The following LRMDA variants were observed in gnomAD, a reference collection of about 807,000 sequenced individuals.
LRMDA encodes the protein leucine rich melanocyte differentiation associated.
In LRMDA, 18 loss-of-function variants were observed where a neutral mutation model predicts 29.8. That is an observed-to-expected ratio of 0.60 (90% CI 0.42 to 0.90). LRMDA has a LOEUF of 0.90. Ranked by LOEUF, LRMDA falls within the 40% of genes least tolerant of loss-of-function variation. The pLI is 0.00. For synonymous variants in LRMDA, 125 were observed against 109.4 expected (o/e 1.14, Z -0.89); for missense variants, 273 against 273.9 (o/e 1.00, Z 0.02).
chr10:75,649,627 T>A (rs10824323), intron 2 of LRMDA, among the ~76,000 whole-genome samples: 18,917 of 152,240 alleles, frequency 0.12, 2,710 homozygotes, highest in African/African-American at 0.33. Context: ...AGTGCACAGA[T>A]ATCTCTTCCT....
intron 2 of LRMDA, among the ~76,000 whole-genome samples, chr10:75,951,723 G>T (rs955078569): frequency 6.6e-6 from 1 of 152,142 alleles, no homozygotes; most frequent in African/African-American, 2.4e-5. Flanking sequence ...CTGTGTGTTT[G>T]CTTTGCTCTC....
intron 2 of LRMDA, among the ~76,000 whole-genome samples, chr10:75,716,813 G>A (rs1842506128): frequency 6.6e-6 from 1 of 152,190 alleles, no homozygotes; most frequent in Admixed American, 6.5e-5. Flanking sequence ...AAATCTCAGT[G>A]TGGTGTGCAA....
At chr10:76,504,347 A>G (rs1034439895) in intron 6 of LRMDA, among the ~76,000 whole-genome samples, 20 of 151,998 alleles carry the variant, frequency 1.3e-4, no homozygotes, top group African/African-American at 4.8e-4. Flanking sequence ...ATTGGGTCCA[A>G]TTGGCTGAGT....
chr10:75,873,797 A>T (rs1845151763), intron 2 of LRMDA, among the ~76,000 whole-genome samples: 1 of 152,150 alleles, frequency 6.6e-6, no homozygotes, highest in Non-Finnish European at 1.5e-5. Flanking sequence ...CTTCCAGCTA[A>T]TGTCATCAGC....
chr10:75,958,076 G>T (rs1212527794), intron 2 of LRMDA, among the ~76,000 whole-genome samples: 1 of 152,146 alleles, frequency 6.6e-6, no homozygotes, highest in Non-Finnish European at 1.5e-5. Flanking sequence ...TAGCCTGTGC[G>T]CCTTGCTGAC....
At chr10:75,765,822 C>G (rs1236501365) in intron 2 of LRMDA, among the ~76,000 whole-genome samples, 1 of 150,540 alleles carries the variant, frequency 6.6e-6, no homozygotes, top group Non-Finnish European at 1.5e-5. Flanking sequence ...TTCTCCCTCT[C>G]CAGCCGCTGG....
At chr10:76,183,849 G>C (rs1208468331) in intron 5 of LRMDA, among the ~76,000 whole-genome samples, 1 of 152,052 alleles carries the variant, frequency 6.6e-6, no homozygotes, top group African/African-American at 2.4e-5. Flanking sequence ...CTCCCAAGTA[G>C]CTGGGGCTAC....
At chr10:76,489,710 A>G (rs1238655239) in intron 6 of LRMDA, among the ~76,000 whole-genome samples, 1 of 151,968 alleles carries the variant, frequency 6.6e-6, no homozygotes, top group Non-Finnish European at 1.5e-5. Context: ...TTGTGCTTAC[A>G]TTATCAGTCA....
At chr10:75,470,395 G>A (rs1844711405) in intron 2 of LRMDA, among the ~76,000 whole-genome samples, 1 of 152,200 alleles carries the variant, frequency 6.6e-6, no homozygotes, top group Non-Finnish European at 1.5e-5. Context: ...TACTGGAGAG[G>A]CTGATGCATG....
chr10:76,193,636 A>C (rs1038303122), intron 5 of LRMDA, among the ~76,000 whole-genome samples: 6 of 152,186 alleles, frequency 3.9e-5, no homozygotes, highest in African/African-American at 1.4e-4. Flanking sequence ...ATGTACTTCT[A>C]GTAGCTGTGC....
intron 6 of LRMDA, among the ~76,000 whole-genome samples, chr10:76,363,110 GAGTA>G: frequency 7.8e-6 from 1 of 128,310 alleles, no homozygotes; most frequent in Non-Finnish European, 1.6e-5. Context: ...TCAGCCTGTG[GAGTA>G]AGGAAAGAAA....
At chr10:75,830,273 C>T (rs553251008) in intron 2 of LRMDA, among the ~76,000 whole-genome samples, 1 of 152,314 alleles carries the variant, frequency 6.6e-6, no homozygotes, top group East Asian at 1.9e-4. Context: ...CTTGACCCTA[C>T]ATCTCCTGCT....
intron 2 of LRMDA, among the ~76,000 whole-genome samples, chr10:75,639,836 G>A (rs570785743): frequency 7.2e-5 from 11 of 152,026 alleles, no homozygotes; most frequent in East Asian, 3.9e-4. Context: ...TTTGTCCTGC[G>A]CGGCTGCGCT....
chr10:75,497,066 G>A (rs929697960), intron 2 of LRMDA, among the ~76,000 whole-genome samples: 1 of 152,018 alleles, frequency 6.6e-6, no homozygotes, highest in African/African-American at 2.4e-5. Flanking sequence ...ATATGCATGG[G>A]TGGGGAAGGG....
intron 2 of LRMDA, among the ~76,000 whole-genome samples, chr10:75,957,915 CAG>C (rs1223252409): frequency 6.6e-6 from 1 of 152,062 alleles, no homozygotes; most frequent in African/African-American, 2.4e-5. Context: ...TCTCCCTTAC[CAG>C]ACACATCTTT....
chr10:76,064,575 C>A (rs1217077762), intron 5 of LRMDA, among the ~76,000 whole-genome samples: 1 of 152,174 alleles, frequency 6.6e-6, no homozygotes, highest in Admixed American at 6.5e-5. Context: ...CCTAGTGTAG[C>A]ACTTTACTAA....
intron 2 of LRMDA, among the ~76,000 whole-genome samples, chr10:75,992,299 A>G (rs1319858960): frequency 6.6e-6 from 1 of 152,144 alleles, no homozygotes; most frequent in East Asian, 1.9e-4. Context: ...TCCGAGTACC[A>G]TGAAGAAAGA....
intron 6 of LRMDA, among the ~76,000 whole-genome samples, chr10:76,428,449 A>G (rs1222832877): frequency 6.6e-6 from 1 of 152,168 alleles, no homozygotes; most frequent in Non-Finnish European, 1.5e-5. Context: ...TTCATGATGA[A>G]GTTAATTTCA....
At chr10:75,484,060 A>G (rs1844882941) in intron 2 of LRMDA, among the ~76,000 whole-genome samples, 1 of 152,046 alleles carries the variant, frequency 6.6e-6, no homozygotes, top group Non-Finnish European at 1.5e-5. Flanking sequence ...GGCTTAAGCA[A>G]TCCTCCCACT....
Sources: gnomAD v4.1 joint callset for allele counts (sites outside exome capture counted in the v4.1 genomes callset) on GRCh38, gnomAD v4.1.1 for gene constraint, MANE v1.5 for transcripts, NCBI Gene and HGNC (gene_info 2026-07-23, HGNC 2026-07-21) for gene names.